The following GPM6A variants were observed in gnomAD, a reference collection of about 807,000 sequenced individuals.
GPM6A encodes the protein neuronal membrane glycoprotein M6-a.
A neutral mutation model predicts 32.1 loss-of-function variants in GPM6A; 7 were observed. The observed-to-expected ratio is 0.22, with a 90% confidence interval of 0.12 to 0.41. The LOEUF (loss-of-function observed/expected upper bound fraction) is 0.41, where lower values mean the gene tolerates loss of function less well. Among genes scored for constraint, GPM6A ranks in the 10% least tolerant of loss-of-function variants. The probability of loss-of-function intolerance (pLI) is 1.00; values close to 1 mark genes in which losing one functional copy is unlikely to be tolerated. For missense variants in GPM6A, 235 were observed against 347.2 expected (o/e 0.68, Z 2.57); for synonymous variants, 130 against 123.4 (o/e 1.05, Z -0.35).
intron 1 of GPM6A, among the ~76,000 whole-genome samples, chr4:175,714,904 A>G (rs1005049697): frequency 6.6e-6 from 1 of 151,822 alleles, no homozygotes; most frequent in Non-Finnish European, 1.5e-5. Flanking sequence ...GAGTAGAACC[A>G]TACTCTTCTG....
intron 1 of GPM6A, among the ~76,000 whole-genome samples, chr4:175,714,314 T>C (rs1224835668): frequency 6.6e-6 from 1 of 152,226 alleles, no homozygotes; most frequent in African/African-American, 2.4e-5. Context: ...AGTTTATAAC[T>C]ATATCAACAA....
chr4:175,791,982 C>A (rs533055415), intron 1 of GPM6A, among the ~76,000 whole-genome samples: 1 of 152,184 alleles, frequency 6.6e-6, no homozygotes, highest in Non-Finnish European at 1.5e-5. Flanking sequence ...AATCATATAA[C>A]CTGAGCAGTC....
intron 1 of GPM6A, among the ~76,000 whole-genome samples, chr4:175,959,909 G>C (rs1579665509): frequency 6.6e-6 from 1 of 152,148 alleles, no homozygotes; most frequent in African/African-American, 2.4e-5. Context: ...GGAAATTACT[G>C]TCTGACATTG....
chr4:175,791,992 C>T (rs552447726), intron 1 of GPM6A, among the ~76,000 whole-genome samples: 1 of 152,100 alleles, frequency 6.6e-6, no homozygotes, highest in Non-Finnish European at 1.5e-5. Context: ...CCTGAGCAGT[C>T]CTCATAAGCC....
intron 4 of GPM6A, among the ~76,000 whole-genome samples, chr4:175,643,652 T>A (rs546552095): frequency 6.6e-6 from 1 of 152,238 alleles, no homozygotes; most frequent in South Asian, 2.1e-4. Flanking sequence ...CCACCAAGGA[T>A]GTCAGGCCAC....
chr4:175,745,252 G>A (rs1463991472), intron 1 of GPM6A, among the ~76,000 whole-genome samples: 1 of 152,088 alleles, frequency 6.6e-6, no homozygotes, highest in African/African-American at 2.4e-5. Context: ...AAGACTACAG[G>A]TATTGGGTTC....
rs959462357 is a variant in GPM6A, at chr4:175,978,969, A to C, written c.-23+23340T>G. 5.0e-3 allele frequency among the ~76,000 whole-genome samples: 755 copies of C among 152,092 alleles called. 3 individuals are homozygous for C. The highest frequency in any genetic ancestry group is 0.017 in the African/African-American group (716 of 41,406). ...CCTAAAACTGTCCATTTAAAGCAAA[A>C]AAAAAAAAAATCCAAATTGAATTCT... On this transcript the variant is annotated intron_variant, in intron 1 of 7. Transcript: ENST00000280187.
intron 1 of GPM6A, among the ~76,000 whole-genome samples, chr4:175,954,103 G>T (rs909892558): frequency 6.6e-6 from 1 of 152,126 alleles, no homozygotes; most frequent in African/African-American, 2.4e-5. Flanking sequence ...TTTTCCTAGA[G>T]GGCAGTATAG....
intron 2 of GPM6A, among the ~76,000 whole-genome samples, chr4:175,675,202 G>C (rs1368226165): frequency 6.6e-6 from 1 of 150,920 alleles, no homozygotes; most frequent in African/African-American, 2.4e-5. Context: ...GGTGTAGCTA[G>C]AGTTAAATAC....
rs147610243 is a variant in GPM6A, at chr4:175,699,545, G to A, written c.230+2030C>T. ...CATTCCCATTTGTCATGACCTTAGC[G>A]AAGCTCTCACTTGATACTACAGAGT... On this transcript the variant is annotated intron_variant, in intron 2 of 6. Coordinates refer to ENST00000393658, the MANE Select transcript of GPM6A (RefSeq NM_201591.3). Among the ~76,000 whole-genome samples the A allele has an allele frequency of 1.9e-4, 29 of 152,180 alleles. 1 individual carries two copies. The highest frequency in any genetic ancestry group is 4.1e-4 in the African/African-American group (17 of 41,516).
chr4:175,922,038 G>T (rs1579629454), intron 1 of GPM6A, among the ~76,000 whole-genome samples: 1 of 152,196 alleles, frequency 6.6e-6, no homozygotes, highest in African/African-American at 2.4e-5. Flanking sequence ...GACCAAGAGA[G>T]ATGAGCTTAA....
At chr4:175,861,976 T>C (rs1736588631) in intron 1 of GPM6A, among the ~76,000 whole-genome samples, 1 of 152,090 alleles carries the variant, frequency 6.6e-6, no homozygotes, top group African/African-American at 2.4e-5. Context: ...TATTCACATG[T>C]TTACTCTGTT....
chr4:175,937,670 G>A lies in GPM6A; in HGVS notation c.-23+64639C>T, dbSNP rs7662085. 9.7e-3 allele frequency among the ~76,000 whole-genome samples: 1,478 copies of A among 152,214 alleles called. 22 individuals carry two copies. Among genetic ancestry groups the A allele is most frequent in the African/African-American group, 0.034 (1,407 of 41,566 alleles). ...GAGAGTACAATGGGAGAGGTGAAAT[G>A]TTGTAAGGATATGAAGGAGACTATT... On this transcript the variant is annotated intron_variant, in intron 1 of 7. Coordinates refer to the GPM6A transcript ENST00000280187.
intron 1 of GPM6A, among the ~76,000 whole-genome samples, chr4:175,824,388 C>T (rs1193800084): frequency 2.0e-5 from 3 of 152,080 alleles, no homozygotes; most frequent in Admixed American, 1.3e-4. Flanking sequence ...GTAAGCAACC[C>T]GCTGCCATTG....
At chr4:175,842,464 G>A (rs564144516) in intron 1 of GPM6A, among the ~76,000 whole-genome samples, 1 of 152,150 alleles carries the variant, frequency 6.6e-6, no homozygotes, top group Non-Finnish European at 1.5e-5. Flanking sequence ...TGGCCATGTT[G>A]GTTCACACTT....
intron 6 of GPM6A, among the ~76,000 whole-genome samples, chr4:175,637,252 A>AATATAAAATATATATTATATATT (rs1740716515): frequency 1.6e-5 from 1 of 61,576 alleles, no homozygotes; most frequent in Non-Finnish European, 2.9e-5. Flanking sequence ...TATTATATAT[A>AATATAAAATATATATTATATATT]ATATAAAATA....
chr4:175,812,516 A>C (rs1734971659), upstream of GPM6A: 1 of 1,117,934 alleles, frequency 8.9e-7, no homozygotes, highest in Non-Finnish European at 1.1e-6. Context: ...CACTGTAAGC[A>C]GGTATTCAAA....
intron 1 of GPM6A, among the ~76,000 whole-genome samples, chr4:175,833,321 G>C (rs1735671722): frequency 6.6e-6 from 1 of 152,172 alleles, no homozygotes; most frequent in South Asian, 2.1e-4. Context: ...TATAGAATGT[G>C]AAACAAGGTG....
At chr4:175,890,515 TTTATTTTATTTTATG>T (rs59020408) in intron 1 of GPM6A, among the ~76,000 whole-genome samples, 66,868 of 145,994 alleles carry the variant, frequency 0.46, 15,982 homozygotes, top group Non-Finnish European at 0.54. Context: ...TTTATTTTAT[TTTATTTTATTTTATG>T]TTATGCTATG....
Sources: allele counts gnomAD v4.1 joint callset (sites outside exome capture counted in the v4.1 genomes callset), GRCh38; gene constraint gnomAD v4.1.1; transcripts MANE v1.5; gene names NCBI Gene and HGNC (gene_info 2026-07-23, HGNC 2026-07-21).